GRIP1: variants seen among roughly 807,000 people sequenced by gnomAD.
GRIP1 encodes glutamate receptor interacting protein 1.
Under a neutral mutation model 129.9 loss-of-function variants are expected in GRIP1, and 45 were observed. The observed-to-expected ratio is 0.35, with a 90% CI of 0.27 to 0.44. The LOEUF is 0.44. GRIP1 is among the 20% of genes least tolerant of loss of function. The probability of loss-of-function intolerance (pLI) is 1.00; values close to 1 mark genes in which losing one functional copy is unlikely to be tolerated. For missense variants in GRIP1, 1,196 were observed against 1,396.8 expected (o/e 0.86, Z 2.29); for synonymous variants, 530 against 520.8 (o/e 1.02, Z -0.24).
At chr12:66,979,255 C>A (rs148879841) in intron 1 of GRIP1, among the ~76,000 whole-genome samples, 5,986 of 38,960 alleles carry the variant, frequency 0.15, 2 homozygotes, top group East Asian at 0.3. Context: ...AAAAAAAAAA[C>A]AAGCCCGTCA....
At chr12:66,783,369 A>G (rs1408696678) in intron 1 of GRIP1, among the ~76,000 whole-genome samples, 1 of 152,164 alleles carries the variant, frequency 6.6e-6, no homozygotes, top group Non-Finnish European at 1.5e-5. Flanking sequence ...TCATGGGGAA[A>G]AAAAGTGCAT....
chr12:66,637,863 T>G (rs186986443), intron 1 of GRIP1, among the ~76,000 whole-genome samples: 2 of 152,288 alleles, frequency 1.3e-5, no homozygotes, highest in East Asian at 3.9e-4. Flanking sequence ...CTGGGACAGA[T>G]AACTAAGCAA....
At position 66,870,343 on chromosome 12, in the gene GRIP1, C is replaced by A. The variant is rs552064003; in HGVS notation, c.58+198707G>T. On this transcript the variant is annotated intron_variant, in intron 1 of 1. Transcript: ENST00000643019. ...TGAAAATTTGTGAATTTAATTTTAT[C>A]CCAAGATGTAAATCAGGGTTGAAAA... Among the ~76,000 whole-genome samples the A allele has an allele frequency of 2.6e-5, 4 of 151,774 alleles. No homozygotes were observed. The South Asian group carries it at 6.3e-4, about 24-fold the overall frequency.
intron 1 of GRIP1, among the ~76,000 whole-genome samples, chr12:66,667,103 A>C (rs2033839220): frequency 6.6e-6 from 1 of 152,146 alleles, no homozygotes. Flanking sequence ...ATTTACACCA[A>C]TCATTTCCAT....
At position 66,348,938 on chromosome 12, in the gene GRIP1, G is replaced by T; in HGVS notation, c.*81C>A. The T allele has an allele frequency of 1.0e-6, 1 of 975,930 alleles. No homozygotes were observed. The highest frequency in any genetic ancestry group is 1.6e-5 in the African/African-American group (1 of 62,916). 60.5% of individuals were successfully genotyped at this position (975,930 alleles called of 1,614,324 possible). ...AATGCCACGTTGATTGATTATCTGT[G>T]CTTCAAAGGTCACAGAAATCTTAAA... On this transcript the variant is annotated 3_prime_UTR_variant, in exon 25 of 25. Coordinates refer to ENST00000359742, the MANE Select transcript of GRIP1 (RefSeq NM_001366722.1).
intron 1 of GRIP1, among the ~76,000 whole-genome samples, chr12:66,615,197 C>T (rs2064987204): frequency 6.6e-6 from 1 of 152,020 alleles, no homozygotes; most frequent in Non-Finnish European, 1.5e-5. Context: ...AACCTGCATA[C>T]ACATATAATG....
chr12:66,516,810 A>C (rs78695644), intron 6 of GRIP1, among the ~76,000 whole-genome samples: 1 of 152,182 alleles, frequency 6.6e-6, no homozygotes, highest in Non-Finnish European at 1.5e-5. Context: ...GTGTTTTCCT[A>C]TTTTCTAATT....
intron 23 of GRIP1, among the ~76,000 whole-genome samples, chr12:66,371,038 G>A (rs912426568): frequency 6.6e-6 from 1 of 152,094 alleles, no homozygotes. Flanking sequence ...GAAGCTATGA[G>A]TGTATGACAT....
intron 1 of GRIP1, among the ~76,000 whole-genome samples, chr12:66,672,955 A>G (rs1424459468): frequency 6.6e-6 from 1 of 152,188 alleles, no homozygotes. Context: ...AAAATAGGAA[A>G]GCTAGGAAAG....
At chr12:67,063,013 T>A (rs1397307650) in intron 1 of GRIP1, among the ~76,000 whole-genome samples, 1 of 152,222 alleles carries the variant, frequency 6.6e-6, no homozygotes, top group East Asian at 1.9e-4. Context: ...ATTACTGAAC[T>A]CCAAACCATC....
intron 1 of GRIP1, among the ~76,000 whole-genome samples, chr12:66,813,747 A>C (rs2039151024): frequency 6.6e-6 from 1 of 152,202 alleles, no homozygotes; most frequent in African/African-American, 2.4e-5. Flanking sequence ...TAGGAGAGGA[A>C]GCTAAAGAGG....
At position 66,904,205 on chromosome 12, in the gene GRIP1, G is replaced by A. The variant is rs537659134; in HGVS notation, c.58+164845C>T. Among the ~76,000 whole-genome samples the A allele has an allele frequency of 3.3e-5, 5 of 152,340 alleles. No homozygotes were observed. The East Asian group carries it at 9.6e-4, about 29-fold the overall frequency. ...TTTTCTCCCTGCTATATAGGCTAGA[G>A]GGCACTGTAGTATAATCTTAGTAGA... On this transcript the variant is annotated intron_variant, in intron 1 of 1. Coordinates refer to the GRIP1 transcript ENST00000643019.
intron 19 of GRIP1, among the ~76,000 whole-genome samples, chr12:66,384,834 C>G (rs1158437111): frequency 6.6e-6 from 1 of 152,186 alleles, no homozygotes; most frequent in Non-Finnish European, 1.5e-5. Context: ...TAAATGCCAT[C>G]ACTTAAATTT....
At chr12:67,009,364 C>T (rs1036219777) in intron 1 of GRIP1, among the ~76,000 whole-genome samples, 30 of 152,136 alleles carry the variant, frequency 2.0e-4, no homozygotes, top group Non-Finnish European at 3.5e-4. Flanking sequence ...TTAACTTTGA[C>T]AGGAGGCCAC....
chr12:66,989,204 T>A (rs2042358412), intron 1 of GRIP1, among the ~76,000 whole-genome samples: 1 of 152,216 alleles, frequency 6.6e-6, no homozygotes, highest in Non-Finnish European at 1.5e-5. Flanking sequence ...TTTCCAGATT[T>A]CTGTGTTAAT....
At chr12:66,745,704 G>A (rs1303367539) in intron 1 of GRIP1, among the ~76,000 whole-genome samples, 5 of 152,116 alleles carry the variant, frequency 3.3e-5, no homozygotes, top group African/African-American at 4.8e-5. Flanking sequence ...GAGAGGGATA[G>A]GGACATTTCA....
At chr12:66,477,361 G>T (rs2138503430) in intron 7 of GRIP1, among the ~76,000 whole-genome samples, 1 of 151,964 alleles carries the variant, frequency 6.6e-6, no homozygotes, top group South Asian at 2.1e-4. Context: ...ACAAACCACT[G>T]CTCAATGAAA....
intron 7 of GRIP1, among the ~76,000 whole-genome samples, chr12:66,479,825 A>G (rs1190274728): frequency 6.7e-6 from 1 of 149,708 alleles, no homozygotes; most frequent in African/African-American, 2.4e-5. Flanking sequence ...AAACCACATG[A>G]TTATCTCAAT....
At chr12:66,559,476 G>C (rs765804530) in intron 2 of GRIP1, among the ~76,000 whole-genome samples, 51 of 152,054 alleles carry the variant, frequency 3.4e-4, no homozygotes, top group Non-Finnish European at 6.0e-4. Context: ...GACAAATTCA[G>C]TGAAATTGCA....
Sources: gnomAD v4.1 joint callset for allele counts (sites outside exome capture counted in the v4.1 genomes callset) on GRCh38, gnomAD v4.1.1 for gene constraint, MANE v1.5 for transcripts, NCBI Gene and HGNC (gene_info 2026-07-23, HGNC 2026-07-21) for gene names.